Variants in NGEF observed in about 807,000 individuals in gnomAD.
NGEF encodes the protein ephexin-1.
Under a neutral mutation model 80.9 loss-of-function variants are expected in NGEF, and 31 were observed. The ratio of observed to expected loss-of-function variants is 0.38; its 90% CI spans 0.29 to 0.52. NGEF has a LOEUF of 0.52. Ranked by LOEUF, NGEF falls within the 20% of genes least tolerant of loss-of-function variation. NGEF has a pLI of 0.84. For missense variants in NGEF, 709 were observed against 926.2 expected (o/e 0.77, Z 3.04); for synonymous variants, 371 against 370.2 (o/e 1.00, Z -0.03).
chr2:232,966,966 A>G (rs569953376), intron 3 of NGEF, among the ~76,000 whole-genome samples: 4 of 152,292 alleles, frequency 2.6e-5, no homozygotes, highest in African/African-American at 9.6e-5. Flanking sequence ...CTTAAGCCAC[A>G]TCAGAGACAG....
chr2:232,995,955 G>T (rs1432499395), intron 1 of NGEF, among the ~76,000 whole-genome samples: 2 of 151,436 alleles, frequency 1.3e-5, no homozygotes, highest in African/African-American at 2.4e-5. Flanking sequence ...ACAAAAGAAA[G>T]AATAAAAGGG....
At position 232,881,246 on chromosome 2, in the gene NGEF, G is replaced by A; in HGVS notation, c.1842C>T (p.Cys614=). The change falls in exon 14 of 15, where the codon TGC becomes TGT. Residue 614 remains cysteine, a synonymous_variant. Transcript: ENST00000264051. ...ATGGGTGCACGCACTGGACCTGGGG[G>A]CAGTCTGAGGGACAAGAGGCACGGG... ...FVSFTSRLLD[C]PQVQCVHPYV... 2 of 1,606,512 alleles carry A rather than the reference G, an allele frequency of 1.2e-6. No individual in the cohort carries two copies. The highest frequency in any genetic ancestry group is 1.7e-6 in the Non-Finnish European group (2 of 1,179,770).
chr2:232,955,426 A>G (rs1693801581), intron 3 of NGEF, among the ~76,000 whole-genome samples: 1 of 152,204 alleles, frequency 6.6e-6, no homozygotes, highest in Non-Finnish European at 1.5e-5. Context: ...TAGAGTAAAA[A>G]GACCCAGTCT....
intron 3 of NGEF, among the ~76,000 whole-genome samples, chr2:232,955,833 T>A (rs1308813306): frequency 6.6e-6 from 1 of 152,174 alleles, no homozygotes; most frequent in African/African-American, 2.4e-5. Context: ...CTTGGTTTTG[T>A]GACTCTGACA....
At chr2:233,002,425 C>A (rs904536593) in intron 1 of NGEF, among the ~76,000 whole-genome samples, 2 of 152,038 alleles carry the variant, frequency 1.3e-5, no homozygotes, top group Non-Finnish European at 2.9e-5. Flanking sequence ...TGCCTGTAAT[C>A]CCAGCACTTT....
chr2:232,994,863 CA>C (rs1694744335), intron 1 of NGEF, among the ~76,000 whole-genome samples: 1 of 151,628 alleles, frequency 6.6e-6, no homozygotes, highest in Non-Finnish European at 1.5e-5. Flanking sequence ...ATAATACATA[CA>C]CATATACATA....
chr2:232,940,101 A>G (rs925147647), intron 3 of NGEF, among the ~76,000 whole-genome samples: 1 of 152,150 alleles, frequency 6.6e-6, no homozygotes, highest in African/African-American at 2.4e-5. Flanking sequence ...CGTGCCACTA[A>G]AATCCTTGTT....
At chr2:232,899,824 ACACGTTCACT>A (rs1388600710) in intron 5 of NGEF, among the ~76,000 whole-genome samples, 12 of 149,712 alleles carry the variant, frequency 8.0e-5, no homozygotes, top group African/African-American at 2.5e-4. Flanking sequence ...TCACTCATAT[ACACGTTCACT>A]CACATTCACT....
intron 4 of NGEF, among the ~76,000 whole-genome samples, chr2:232,922,929 G>T (rs923963227): frequency 2.0e-5 from 3 of 152,174 alleles, no homozygotes; most frequent in African/African-American, 7.2e-5. Flanking sequence ...AATTAGCCGG[G>T]TGTGGTGGCG....
At chr2:232,904,947 T>TA (rs1346505674) in intron 5 of NGEF, among the ~76,000 whole-genome samples, 4 of 152,136 alleles carry the variant, frequency 2.6e-5, no homozygotes, top group South Asian at 2.1e-4. Flanking sequence ...TGTCTCTAAA[T>TA]AAAAAAACAA....
intron 5 of NGEF, among the ~76,000 whole-genome samples, chr2:232,908,599 T>C (rs1158222565): frequency 4.6e-5 from 7 of 152,150 alleles, no homozygotes; most frequent in Non-Finnish European, 8.8e-5. Flanking sequence ...AGATAGGGTC[T>C]TGCGATGTTG....
At chr2:232,936,740 C>T (rs1401972061) in intron 3 of NGEF, among the ~76,000 whole-genome samples, 1 of 152,178 alleles carries the variant, frequency 6.6e-6, no homozygotes, top group African/African-American at 2.4e-5. Context: ...CTGGACTTTC[C>T]CCATGCATCT....
intron 3 of NGEF, among the ~76,000 whole-genome samples, chr2:232,949,328 A>G (rs1300834202): frequency 1.3e-5 from 2 of 152,252 alleles, no homozygotes; most frequent in African/African-American, 4.8e-5. Flanking sequence ...GCTCAGTGAT[A>G]GTAATAAACA....
At chr2:232,960,190 A>G (rs1693917287) in intron 3 of NGEF, among the ~76,000 whole-genome samples, 1 of 152,224 alleles carries the variant, frequency 6.6e-6, no homozygotes, top group African/African-American at 2.4e-5. Flanking sequence ...ATGTAGCTTA[A>G]TTTTGTATGC....
Position 233,013,122 on chromosome 2 carries a change from G to T in NGEF, c.-129C>A, listed in dbSNP as rs150126995. On this transcript the variant is annotated 5_prime_UTR_variant, in exon 1 of 15. Coordinates refer to ENST00000264051, the MANE Select transcript of NGEF (RefSeq NM_019850.3). ...CTTCCTCAGAGAGTGTTCCTCCCTC[G>T]TCCCCTGTCCTGTCCAGGCACCTGC... The T allele has an allele frequency of 2.1e-6, 1 of 471,068 alleles. No homozygotes were observed. The highest frequency in any genetic ancestry group is 1.5e-5 in the South Asian group (1 of 64,558). The allele number at this position is 471,068 out of a possible 1,614,324, so 29.2% of individuals were successfully genotyped here. A position where few individuals can be genotyped will look rare whatever the true frequency, so the allele number is the denominator to read the frequency against.
intron 1 of NGEF, among the ~76,000 whole-genome samples, chr2:232,998,181 C>G (rs969783445): frequency 3.9e-5 from 6 of 152,068 alleles, no homozygotes; most frequent in Non-Finnish European, 8.8e-5. Flanking sequence ...TGAGATAGGC[C>G]CTTTCCATTG....
At chr2:233,003,889 C>T (rs997615579) in intron 1 of NGEF, among the ~76,000 whole-genome samples, 4 of 152,174 alleles carry the variant, frequency 2.6e-5, no homozygotes, top group African/African-American at 7.2e-5. Flanking sequence ...GCCCCTGGCC[C>T]GAGCTTGTTG....
intron 5 of NGEF, among the ~76,000 whole-genome samples, chr2:232,918,654 A>G (rs1288471694): frequency 1.6e-5 from 1 of 60,734 alleles, no homozygotes; most frequent in South Asian, 5.3e-4. Flanking sequence ...TTTTTTTTTT[A>G]GACGGAGTCT....
chr2:232,974,985 A>G (rs1694263413), intron 1 of NGEF, 21 bp from the exon 2 acceptor site: 1 of 1,278,666 alleles, frequency 7.8e-7, no homozygotes, highest in African/African-American at 1.5e-5. Context: ...GATAGAAAAC[A>G]ATTTTCAGTT....
Sources: gnomAD v4.1 joint callset for allele counts (sites outside exome capture counted in the v4.1 genomes callset) on GRCh38, gnomAD v4.1.1 for gene constraint, MANE v1.5 for transcripts, NCBI Gene and HGNC (gene_info 2026-07-23, HGNC 2026-07-21) for gene names.